Variants in MYO1H observed in about 807,000 individuals in gnomAD.
The protein encoded by MYO1H is unconventional myosin-Ih.
Under a neutral mutation model 149.3 loss-of-function variants are expected in MYO1H, and 118 were observed. That is an observed-to-expected ratio of 0.79 (90% CI 0.68 to 0.92). The LOEUF (loss-of-function observed/expected upper bound fraction) is 0.92, where lower values mean the gene tolerates loss of function less well. MYO1H is among the 40% of genes least tolerant of loss of function. The pLI is 0.00. For missense variants in MYO1H, 1,212 were observed against 1,280.7 expected, an observed-to-expected ratio of 0.95 and a Z score of 0.82; for synonymous variants, 447 against 465.2, an observed-to-expected ratio of 0.96 and a Z score of 0.50.
At chr12:109,444,606 C>A in intron 30 of MYO1H, 77 bp downstream of exon 30, 3 of 1,133,794 alleles carry the variant, frequency 2.6e-6, no homozygotes, top group South Asian at 1.3e-5. Flanking sequence ...GTGGCTCATG[C>A]CTATAATCCC....
At position 109,348,038 on chromosome 12, in the gene MYO1H, A is replaced by G. The variant is rs575712159; in HGVS notation, c.12+66A>G. ...ACCTCTTTTCTACCAAGAACTTTCC[A>G]AATGGCTATAATGCTGGGCCTCTGC... On this transcript the variant is annotated intron_variant, in intron 1 of 31. Coordinates refer to ENST00000310903, the Ensembl canonical transcript of MYO1H. The G allele has an allele frequency of 4.3e-4, 171 of 399,090 alleles. 2 individuals carry two copies. In the South Asian group the frequency reaches 6.1e-3, roughly 14 times the overall value. The allele number at this position is 399,090 out of a possible 1,614,324, so 24.7% of individuals were successfully genotyped here. A position where few individuals can be genotyped will look rare whatever the true frequency, so the allele number is the denominator to read the frequency against.
At chr12:109,325,474 A>T in the MYO1H span, among the ~76,000 whole-genome samples, 1 of 152,246 alleles carries the variant, frequency 6.6e-6, no homozygotes, top group Non-Finnish European at 1.5e-5. Flanking sequence ...CCAAAACCAT[A>T]AAAACCCTGA....
chr12:109,365,987 G>T (rs1051260035), intron 1 of MYO1H, among the ~76,000 whole-genome samples: 1 of 152,184 alleles, frequency 6.6e-6, no homozygotes, highest in Non-Finnish European at 1.5e-5. Flanking sequence ...TGAACTGCAC[G>T]TGTGAAGGAT....
rs747073389 is a variant in MYO1H, at chr12:109,442,795, CTTTTT to C, written c.2688+542_2688+546del. 9.6e-5 allele frequency among the ~76,000 whole-genome samples: 9 copies of C among 94,036 alleles called. No homozygotes were observed. The South Asian group carries it at 2.0e-3, about 21-fold the overall frequency. The allele number at this position is 94,036 out of a possible 152,430, so 61.7% of individuals were successfully genotyped here. ...GTGATCGTGTGTGCCAGTGTCTGCTCTTTTTTTTTTTTTTTTTTTTTTTGTTCCCT... is the reference window on the plus strand; with the variant it reads ...GTGATCGTGTGTGCCAGTGTCTGCTCTTTTTTTTTTTTTTTTTTGTTCCCT... On this transcript the variant is annotated intron_variant, in intron 27 of 31. Coordinates refer to ENST00000310903, the Ensembl canonical transcript of MYO1H.
the MYO1H span, among the ~76,000 whole-genome samples, chr12:109,323,530 C>G: frequency 2.0e-5 from 3 of 152,150 alleles, no homozygotes; most frequent in South Asian, 2.1e-4. Context: ...TCACTTAGGT[C>G]CCTTGAGGAT....
At chr12:109,349,818 G>A (rs191050550) in intron 1 of MYO1H, among the ~76,000 whole-genome samples, 56 of 151,428 alleles carry the variant, frequency 3.7e-4, no homozygotes, top group African/African-American at 1.1e-3. Flanking sequence ...AAAATTAGCC[G>A]GGCGTGGTAG....
At chr12:109,405,808 G>T in intron 7 of MYO1H, 114 bp from the exon 8 acceptor site, 1 of 732,130 alleles carries the variant, frequency 1.4e-6, no homozygotes, top group Admixed American at 2.3e-5. Context: ...GTGGAATTGG[G>T]ACGGGGGCAT....
chr12:109,402,902 C>T (rs900135984), intron 6 of MYO1H, among the ~76,000 whole-genome samples: 5 of 152,128 alleles, frequency 3.3e-5, no homozygotes, highest in Non-Finnish European at 7.4e-5. Flanking sequence ...TAGAATATAT[C>T]GTGTCTTTAT....
At chr12:109,334,937 C>T in the MYO1H span, among the ~76,000 whole-genome samples, 9 of 152,176 alleles carry the variant, frequency 5.9e-5, no homozygotes, top group Non-Finnish European at 1.2e-4. Flanking sequence ...TTAGCAGTCT[C>T]TCCCTTTTCC....
At chr12:109,388,981 C>A in intron 2 of MYO1H, 137 bp downstream of exon 2, 1 of 1,132,036 alleles carries the variant, frequency 8.8e-7, no homozygotes, top group Non-Finnish European at 1.2e-6. Flanking sequence ...CTCTTAGATG[C>A]ACTTCGATCC....
At chr12:109,405,825 T>C in intron 7 of MYO1H, 97 bp from the exon 8 acceptor site, 1 of 833,348 alleles carries the variant, frequency 1.2e-6, no homozygotes, top group Admixed American at 2.2e-5. Flanking sequence ...GCATTTTTCC[T>C]TCAGGTGTCT....
At chr12:109,348,683 C>T (rs1868389402) in intron 1 of MYO1H, among the ~76,000 whole-genome samples, 1 of 152,152 alleles carries the variant, frequency 6.6e-6, no homozygotes, top group Non-Finnish European at 1.5e-5. Flanking sequence ...TTGCCTCTTT[C>T]CAGGAGTTAA....
At chr12:109,368,239 G>T (rs1868909206) in intron 1 of MYO1H, among the ~76,000 whole-genome samples, 1 of 152,202 alleles carries the variant, frequency 6.6e-6, no homozygotes, top group African/African-American at 2.4e-5. Flanking sequence ...TATCTTTCTG[G>T]CTTGTTCACT....
Position 109,439,213 on chromosome 12 carries a change from T to G in MYO1H, c.2295-418T>G, listed in dbSNP as rs111827983. Among the ~76,000 whole-genome samples the G allele has an allele frequency of 1.2e-4, 18 of 152,258 alleles. 1 individual carries two copies. The highest frequency in any genetic ancestry group is 6.8e-3 in the Middle Eastern group (2 of 294). ...CCTCAGCCTTCCAAGTAGCTGAGAT[T>G]ACAGGCACACACCACCACACCCGGC... On this transcript the variant is annotated intron_variant, in intron 23 of 31. Coordinates refer to ENST00000310903, the Ensembl canonical transcript of MYO1H.
intron 27 of MYO1H, among the ~76,000 whole-genome samples, chr12:109,443,037 T>TGTGTGTGTGTATATATGTGTAC (rs1255069368): frequency 6.6e-5 from 4 of 60,290 alleles, no homozygotes; most frequent in South Asian, 5.5e-4. Context: ...TATGTGTGTG[T>TGTGTGTGTGTATATATGTGTAC]GTGTGTGTGT....
At chr12:109,423,442 G>A (rs558289875) in intron 16 of MYO1H, among the ~76,000 whole-genome samples, 3 of 152,338 alleles carry the variant, frequency 2.0e-5, no homozygotes, top group East Asian at 1.9e-4. Context: ...GATTACAGGC[G>A]TGAGCGACCA....
At chr12:109,404,105 A>G in intron 7 of MYO1H, 25 bp downstream of exon 7, 2 of 1,544,174 alleles carry the variant, frequency 1.3e-6, no homozygotes, top group Non-Finnish European at 1.8e-6. Flanking sequence ...AGCAGAACTG[A>G]TAGTTCCCCC....
At chr12:109,324,418 G>T in the MYO1H span, among the ~76,000 whole-genome samples, 1 of 152,312 alleles carries the variant, frequency 6.6e-6, no homozygotes, top group Non-Finnish European at 1.5e-5. Flanking sequence ...GCAAGATGTA[G>T]AACAAGTGGG....
At chr12:109,318,982 T>G in the MYO1H span, among the ~76,000 whole-genome samples, 10 of 144,988 alleles carry the variant, frequency 6.9e-5, 1 homozygote, top group East Asian at 2.0e-4. Flanking sequence ...GTTTTTTTTT[T>G]TTTTTTTTTT....
Sources: allele counts gnomAD v4.1 joint callset (sites outside exome capture counted in the v4.1 genomes callset), GRCh38; gene constraint gnomAD v4.1.1; transcripts MANE v1.5; gene names NCBI Gene and HGNC (gene_info 2026-07-23, HGNC 2026-07-21).